ITSN1: variants seen among roughly 807,000 people sequenced by gnomAD.
ITSN1 encodes the protein intersectin 1.
Under a neutral mutation model 239.8 loss-of-function variants are expected in ITSN1, and 58 were observed. That is an observed-to-expected ratio of 0.24 (90% CI 0.20 to 0.30). The LOEUF is 0.30. Among genes scored for constraint, ITSN1 ranks in the 10% least tolerant of loss-of-function variants. ITSN1 has a pLI of 1.00. For synonymous variants in ITSN1, 780 were observed against 770.8 expected, an observed-to-expected ratio of 1.01 and a Z score of -0.20; for missense variants, 1,558 against 2,103.3, an observed-to-expected ratio of 0.74 and a Z score of 5.07.
intron 1 of ITSN1, among the ~76,000 whole-genome samples, chr21:33,683,383 A>T (rs1007936621): frequency 6.6e-6 from 1 of 152,164 alleles, no homozygotes; most frequent in Admixed American, 6.5e-5. Flanking sequence ...GAACCTGTCC[A>T]TTGAGGGCCC....
At chr21:33,655,898 C>T (rs2089027876) in intron 1 of ITSN1, among the ~76,000 whole-genome samples, 1 of 151,754 alleles carries the variant, frequency 6.6e-6, no homozygotes, top group Non-Finnish European at 1.5e-5. Flanking sequence ...TTTAAGTAGT[C>T]CACTATCTAA....
Position 33,819,186 on chromosome 21 carries a change from G to A in ITSN1, c.2934-55G>A, listed in dbSNP as rs533918629. The A allele has an allele frequency of 2.3e-6, 3 of 1,324,938 alleles. No homozygotes were observed. In the African/African-American group the frequency reaches 4.3e-5, roughly 19 times the overall value. 82.1% of individuals were successfully genotyped at this position (1,324,938 alleles called of 1,614,324 possible). A position where few individuals can be genotyped will look rare whatever the true frequency, so the allele number is the denominator to read the frequency against. The stretch of plus-strand genomic sequence containing the variant: ...TTTTAACAGAAAAATCAGTGTCATT[G>A]TACGATTTTCTTTGAAGATAAAAAT... On this transcript the variant is annotated intron_variant, in intron 23 of 39. Coordinates refer to ENST00000381318, the MANE Select transcript of ITSN1 (RefSeq NM_003024.3).
chr21:33,817,006 C>T (rs1376258550), intron 22 of ITSN1, among the ~76,000 whole-genome samples: 1 of 152,106 alleles, frequency 6.6e-6, no homozygotes, highest in Non-Finnish European at 1.5e-5. Context: ...ATTCTCTGCT[C>T]ATCAGACATA....
At chr21:33,675,625 A>G (rs1247796380) in intron 1 of ITSN1, among the ~76,000 whole-genome samples, 1 of 152,208 alleles carries the variant, frequency 6.6e-6, no homozygotes, top group Non-Finnish European at 1.5e-5. Flanking sequence ...CACAAAGGGC[A>G]TAGAAGTTTC....
chr21:33,645,469 G>GT (rs1335298845), intron 1 of ITSN1, among the ~76,000 whole-genome samples: 1 of 150,902 alleles, frequency 6.6e-6, no homozygotes, highest in African/African-American at 2.4e-5. Flanking sequence ...AGGGAAACCT[G>GT]GTCTCTAAAA....
At chr21:33,666,887 G>A (rs544057399) in intron 1 of ITSN1, among the ~76,000 whole-genome samples, 9 of 152,264 alleles carry the variant, frequency 5.9e-5, no homozygotes, top group Admixed American at 5.2e-4. Context: ...CTGCAGCCTC[G>A]ACTTCTGGGC....
At chr21:33,779,895 G>A (rs779655431) in intron 14 of ITSN1, among the ~76,000 whole-genome samples, 13 of 151,836 alleles carry the variant, frequency 8.6e-5, no homozygotes, top group South Asian at 2.1e-4. Flanking sequence ...GCAGTGGTGC[G>A]ATCTCGGCTC....
At chr21:33,840,446 C>T (rs921678589) in intron 29 of ITSN1, among the ~76,000 whole-genome samples, 2 of 152,076 alleles carry the variant, frequency 1.3e-5, no homozygotes, top group African/African-American at 4.8e-5. Context: ...TCACTGCAAC[C>T]TCCACCTCCC....
At chr21:33,749,852 C>T (rs1287824796) in intron 5 of ITSN1, among the ~76,000 whole-genome samples, 1 of 151,954 alleles carries the variant, frequency 6.6e-6, no homozygotes, top group African/African-American at 2.4e-5. Context: ...TTTTAAATAT[C>T]ATTTTGAACT....
chr21:33,665,372 T>C (rs1418655111), intron 1 of ITSN1, among the ~76,000 whole-genome samples: 3 of 152,160 alleles, frequency 2.0e-5, no homozygotes, highest in African/African-American at 7.2e-5. Flanking sequence ...AACCAGTACA[T>C]GAACAGATAG....
intron 18 of ITSN1, among the ~76,000 whole-genome samples, chr21:33,798,858 A>C (rs1158915152): frequency 6.6e-5 from 10 of 152,086 alleles, no homozygotes; most frequent in Non-Finnish European, 1.5e-5. Flanking sequence ...ATGTCATAGG[A>C]GGGGCAAATT....
intron 16 of ITSN1, among the ~76,000 whole-genome samples, chr21:33,788,418 T>C (rs1319417072): frequency 6.6e-6 from 1 of 152,216 alleles, no homozygotes; most frequent in African/African-American, 2.4e-5. Flanking sequence ...TCAAACAGTA[T>C]ATCCCATTTC....
At chr21:33,715,783 G>A (rs1339214610) in intron 1 of ITSN1, among the ~76,000 whole-genome samples, 1 of 152,070 alleles carries the variant, frequency 6.6e-6, no homozygotes, top group African/African-American at 2.4e-5. Flanking sequence ...GGCAGATGGG[G>A]TGTTGTCACC....
chr21:33,830,007 A>C (rs912134111), intron 27 of ITSN1, among the ~76,000 whole-genome samples: 1 of 152,152 alleles, frequency 6.6e-6, no homozygotes, highest in African/African-American at 2.4e-5. Flanking sequence ...CATAGTGAGA[A>C]CTCATATGAC....
chr21:33,769,073 A>G (rs1045649037), intron 11 of ITSN1, among the ~76,000 whole-genome samples: 21 of 152,224 alleles, frequency 1.4e-4, no homozygotes, highest in African/African-American at 5.1e-4. Context: ...GAGGAATTAA[A>G]TGTCTGTGGA....
intron 1 of ITSN1, among the ~76,000 whole-genome samples, chr21:33,681,653 TTTATTTTTTG>T (rs1278094557): frequency 8.8e-6 from 1 of 113,618 alleles, no homozygotes; most frequent in African/African-American, 3.2e-5. Context: ...TTTATTTTAT[TTTATTTTTTG>T]TTTTGTTTTT....
chr21:33,644,629 C>T (rs1325821269), intron 1 of ITSN1, among the ~76,000 whole-genome samples: 5 of 150,712 alleles, frequency 3.3e-5, no homozygotes, highest in African/African-American at 1.2e-4. Context: ...CAAGTTAGTT[C>T]TGTGAAATGT....
At position 33,799,792 on chromosome 21, in the gene ITSN1, C is replaced by CT; in HGVS notation, c.2183-9dup. ...AATTATTTATTTTTGTCCCCCCCAC[C>CT]TTTTTTTGTAAACAGAAAAAGGTCC... On this transcript the variant is annotated splice_polypyrimidine_tract_variant and intron_variant, in intron 18 of 39. Transcript: ENST00000381318. 2 of 1,611,724 alleles carry CT rather than the reference C, an allele frequency of 1.2e-6. No individual in the cohort carries two copies. The highest frequency in any genetic ancestry group is 2.7e-5 in the African/African-American group (2 of 74,868).
At chr21:33,751,698 A>AG (rs1221725505) in intron 6 of ITSN1, 112 bp from the exon 7 acceptor site, 4 of 779,842 alleles carry the variant, frequency 5.1e-6, no homozygotes, top group Non-Finnish European at 8.5e-6. Flanking sequence ...GCTGGCAAGA[A>AG]GGGGGAATTA....
Sources: allele counts gnomAD v4.1 joint callset (sites outside exome capture counted in the v4.1 genomes callset), GRCh38; gene constraint gnomAD v4.1.1; transcripts MANE v1.5; gene names NCBI Gene and HGNC (gene_info 2026-07-23, HGNC 2026-07-21).